Variants in TMEM59 observed in about 807,000 individuals in gnomAD.
TMEM59 encodes the protein transmembrane protein 59, also known as dendritic cell factor 1.
In TMEM59, 44 loss-of-function variants were observed where a neutral mutation model predicts 42.2. That is an observed-to-expected ratio of 1.04 (90% CI 0.82 to 1.34). TMEM59 has a LOEUF of 1.34. TMEM59 is among the 40% of genes most tolerant of loss of function. The pLI is 0.00. For synonymous variants in TMEM59, 148 were observed against 145.8 expected, an observed-to-expected ratio of 1.02 and a Z score of -0.11; for missense variants, 359 against 382.8, an observed-to-expected ratio of 0.94 and a Z score of 0.52.
upstream of TMEM59, chr1:54,053,231 C>A: frequency 6.2e-7 from 1 of 1,603,264 alleles, no homozygotes; most frequent in Non-Finnish European, 8.5e-7. Flanking sequence ...TTGCTGTTTT[C>A]TCGGAAGGGT....
At chr1:54,035,980 T>C (rs1353595937) in intron 7 of TMEM59, among the ~76,000 whole-genome samples, 1 of 152,122 alleles carries the variant, frequency 6.6e-6, no homozygotes, top group African/African-American at 2.4e-5. Context: ...AACTATTAAG[T>C]GGTTCTACAA....
In TMEM59 at chr1:54,048,342, C is replaced by T. The variant is rs529908170; in HGVS notation, c.190-970G>A. Among the ~76,000 whole-genome samples, 7 of 152,230 alleles carry T rather than the reference C, an allele frequency of 4.6e-5. No homozygotes were observed. In the East Asian group the frequency reaches 7.7e-4, roughly 17 times the overall value. On this transcript the variant is annotated intron_variant, in intron 1 of 7. Transcript: ENST00000234831. ...ACCTGTCTAAGAATCTCAGCTTTCT[C>T]ATCAAAAAAGGAGAGAACAGCCATT...
intron 6 of TMEM59, among the ~76,000 whole-genome samples, chr1:54,039,987 C>T (rs1657083897): frequency 6.6e-6 from 1 of 152,040 alleles, no homozygotes; most frequent in African/African-American, 2.4e-5. Context: ...GCCCACTTTA[C>T]CATTACCCTT....
intron 1 of TMEM59, among the ~76,000 whole-genome samples, chr1:54,050,520 C>T (rs1471963519): frequency 6.6e-6 from 1 of 151,706 alleles, no homozygotes; most frequent in Non-Finnish European, 1.5e-5. Context: ...GAGCACAAAG[C>T]ACAGAGGAGA....
chr1:54,040,364 G>C (rs1212371102), intron 6 of TMEM59, among the ~76,000 whole-genome samples: 1 of 151,982 alleles, frequency 6.6e-6, no homozygotes, highest in Non-Finnish European at 1.5e-5. Flanking sequence ...TGTTGGCCAG[G>C]CTGGTCTCGA....
At chr1:54,043,314 A>G in intron 4 of TMEM59, 59 bp downstream of exon 4, 4 of 1,345,758 alleles carry the variant, frequency 3.0e-6, no homozygotes, top group Non-Finnish European at 3.9e-6. Context: ...ACACTCATTT[A>G]AGACATATAC....
In TMEM59 at chr1:54,045,695, T is replaced by C; in HGVS notation, c.387A>G (p.Glu129=). The change falls in exon 3 of 8, where the codon GAA becomes GAG. Residue 129 remains glutamate, a synonymous_variant. Coordinates refer to ENST00000234831, the MANE Select transcript of TMEM59 (RefSeq NM_004872.5). The part of the protein sequence containing the change: ...NQLPFAELRQ[E]QLMSLMPKMH... ...GAAAGGCAGTATTGTTTCGTACTTG[T>C]TCTTGTCTCAGTTCAGCGAATGGCA... is the stretch of plus-strand genomic sequence containing the variant. 2.5e-6 allele frequency: 4 copies of C among 1,614,150 alleles called. No homozygotes were observed. The highest frequency in any genetic ancestry group is 2.5e-6 in the Non-Finnish European group (3 of 1,179,992).
Position 54,045,615 on chromosome 1 carries a change from T to G in TMEM59, c.390+77A>C, listed in dbSNP as rs754866704. ...AATATAACACTAAAATAGGATCAAGTGGGTGATAAACACTTCAAGCAATAC... is the reference window on the plus strand; with the variant it reads ...AATATAACACTAAAATAGGATCAAGGGGGTGATAAACACTTCAAGCAATAC... On this transcript the variant is annotated intron_variant, in intron 3 of 7. Coordinates refer to ENST00000234831, the MANE Select transcript of TMEM59 (RefSeq NM_004872.5). 3.7e-6 allele frequency: 5 copies of G among 1,351,644 alleles called. No homozygotes were observed. In the African/African-American group the frequency reaches 7.2e-5, roughly 19 times the overall value. 83.7% of individuals were successfully genotyped at this position (1,351,644 alleles called of 1,614,324 possible).
chr1:54,050,386 C>A (rs1304980100), intron 1 of TMEM59, among the ~76,000 whole-genome samples: 1 of 151,700 alleles, frequency 6.6e-6, no homozygotes, highest in African/African-American at 2.4e-5. Flanking sequence ...GCCTCCCAAA[C>A]TGCTGGAATT....
At chr1:54,053,538 C>T (rs1173397955), upstream of TMEM59, 2 of 252,968 alleles carry the variant, frequency 7.9e-6, no homozygotes, top group Non-Finnish European at 1.5e-5. Context: ...AAAACTACAG[C>T]CGCCCTCAGC....
In TMEM59 at chr1:54,032,139, A is replaced by G; in HGVS notation, c.*11T>C. 1 of 1,603,626 alleles carries G rather than the reference A, an allele frequency of 6.2e-7. No homozygotes were observed. The highest frequency in any genetic ancestry group is 8.5e-7 in the Non-Finnish European group (1 of 1,175,658). ...GATGTCTATTACACTTGTCTTTTAA[A>G]AGAAAAATGCTTAAATTTCAGAATG... On this transcript the variant is annotated 3_prime_UTR_variant, in exon 8 of 8. Transcript: ENST00000234831.
At position 54,032,256 on chromosome 1, in the gene TMEM59, T is replaced by A. The variant is rs1656787232; in HGVS notation, c.866A>T (p.Asn289Ile). The A allele has an allele frequency of 1.2e-6, 2 of 1,612,792 alleles. No individual in the cohort carries two copies. Among genetic ancestry groups the A allele is most frequent in the East Asian group, 2.2e-5 (1 of 44,790 alleles). Reference protein sequence around the residue: ...DLEFMNEQKLNRYPASSLVVV... With the variant: ...DLEFMNEQKLIRYPASSLVVV... ...CACAAGAGAAGAAGCTGGATATCTG[T>A]TTAGCTTTTGTTCATTCATAAACTC... Residue 289 changes from asparagine to isoleucine, a missense_variant, in exon 8 of 8, where the codon AAC becomes ATC. By Grantham distance (149) the Asn-to-Ile change is moderately radical. Coordinates refer to ENST00000234831, the MANE Select transcript of TMEM59 (RefSeq NM_004872.5).
At chr1:54,051,703 T>A (rs762385975) in intron 1 of TMEM59, among the ~76,000 whole-genome samples, 1 of 152,202 alleles carries the variant, frequency 6.6e-6, no homozygotes, top group Non-Finnish European at 1.5e-5. Flanking sequence ...CTCTTAATGA[T>A]GAGAAGTTTA....
At chr1:54,050,664 T>C (rs1339729815) in intron 1 of TMEM59, among the ~76,000 whole-genome samples, 1 of 151,792 alleles carries the variant, frequency 6.6e-6, no homozygotes, top group Non-Finnish European at 1.5e-5. Context: ...GTTCAGGCGC[T>C]TCTCCTGCCT....
chr1:54,041,650 A>C (rs963050588), intron 5 of TMEM59, 74 bp downstream of exon 5: 1 of 1,235,098 alleles, frequency 8.1e-7, no homozygotes, highest in African/African-American at 1.5e-5. Context: ...GTGTAAAAAC[A>C]AACATGACCA....
intron 1 of TMEM59, among the ~76,000 whole-genome samples, chr1:54,049,709 T>G (rs1342880456): frequency 1.3e-5 from 2 of 152,222 alleles, no homozygotes; most frequent in Admixed American, 1.3e-4. Context: ...CCAGGCACCG[T>G]GGCTCATGCA....
chr1:54,048,452 T>A (rs1391867666), intron 1 of TMEM59, among the ~76,000 whole-genome samples: 1 of 152,212 alleles, frequency 6.6e-6, no homozygotes, highest in Non-Finnish European at 1.5e-5. Flanking sequence ...GTAATAGTGT[T>A]AATAGATTTT....
At chr1:54,052,177 G>C (rs1484621542) in intron 1 of TMEM59, among the ~76,000 whole-genome samples, 1 of 152,148 alleles carries the variant, frequency 6.6e-6, no homozygotes, top group Non-Finnish European at 1.5e-5. Flanking sequence ...GAATCATCAA[G>C]CAATTTAGAA....
At position 54,028,985 on chromosome 1, in the gene TMEM59, G is replaced by A. The variant is rs1276712067; in HGVS notation, c.*3165C>T. On this transcript the variant is annotated 3_prime_UTR_variant, in exon 8 of 8. Transcript: ENST00000234831. ...AATCTCTGTCAATGATTCCCTACAT[G>A]TGGACTTGATATTTGAGTCCACAAA... 1 of 152,180 alleles carries A rather than the reference G, an allele frequency of 6.6e-6. No homozygotes were observed. Among genetic ancestry groups the A allele is most frequent in the African/African-American group, 2.4e-5 (1 of 41,434 alleles). 9.4% of individuals were successfully genotyped at this position (152,180 alleles called of 1,614,324 possible). A position where few individuals can be genotyped will look rare whatever the true frequency, so the allele number is the denominator to read the frequency against.
Sources: allele counts gnomAD v4.1 joint callset (sites outside exome capture counted in the v4.1 genomes callset), GRCh38; gene constraint gnomAD v4.1.1; transcripts MANE v1.5; gene names NCBI Gene and HGNC (gene_info 2026-07-23, HGNC 2026-07-21).